Variants in MLC1 observed in about 807,000 individuals in gnomAD.
MLC1 encodes modulator of VRAC current 1.
MLC1 carries 32 observed loss-of-function variants against 44.7 expected under a neutral mutation model. The observed-to-expected ratio is 0.72, with a 90% CI of 0.54 to 0.96. The LOEUF (loss-of-function observed/expected upper bound fraction) is 0.96, where lower values mean the gene tolerates loss of function less well. MLC1 is among the 40% of genes least tolerant of loss of function. The pLI, the probability that MLC1 is intolerant of heterozygous loss-of-function variation, is 0.00. For synonymous variants in MLC1, 190 were observed against 213.0 expected, an observed-to-expected ratio of 0.89 and a Z score of 0.94; for missense variants, 459 against 492.2, an observed-to-expected ratio of 0.93 and a Z score of 0.64.
At chr22:50,063,894 TCACCTCCCC>T in intron 11 of MLC1, 131 bp downstream of exon 11, 2 of 740,690 alleles carry the variant, frequency 2.7e-6, no homozygotes, top group East Asian at 4.2e-5. Context: ...TGCAGGCCAC[TCACCTCCCC>T]GGCTGGGCAC....
At chr22:50,081,217 C>A (rs969809517) in intron 3 of MLC1, among the ~76,000 whole-genome samples, 1 of 151,922 alleles carries the variant, frequency 6.6e-6, no homozygotes, top group Admixed American at 6.6e-5. Context: ...GTGGCGGGTG[C>A]CTGTAGTCCC....
At chr22:50,081,808 AGGCTGGGCGGGGGTG>A (rs1007496003) in intron 3 of MLC1, among the ~76,000 whole-genome samples, 19 of 152,178 alleles carry the variant, frequency 1.2e-4, no homozygotes, top group African/African-American at 4.1e-4. Context: ...AGTGGGGCCA[AGGCTGGGCGGGGGTG>A]GGCACTTGCC....
At chr22:50,077,226 C>T (rs1196589334) in intron 6 of MLC1, among the ~76,000 whole-genome samples, 175 bp downstream of exon 6, 2 of 152,212 alleles carry the variant, frequency 1.3e-5, no homozygotes, top group African/African-American at 4.8e-5. Context: ...ACCCCTCACC[C>T]AGCTCCAGAG....
chr22:50,069,121 G>A (rs1435969456), intron 9 of MLC1, among the ~76,000 whole-genome samples: 1 of 151,764 alleles, frequency 6.6e-6, no homozygotes, highest in African/African-American at 2.4e-5. Flanking sequence ...CTGCCTCCTG[G>A]GTTCAAGCAA....
chr22:50,074,621 G>A (rs1271903185), intron 7 of MLC1: 1 of 429,962 alleles, frequency 2.3e-6, no homozygotes, highest in Non-Finnish European at 4.4e-6. Context: ...ACAGTGGTGA[G>A]GGCAGAAAAC....
chr22:50,080,248 C>A, intron 4 of MLC1, 96 bp downstream of exon 4: 2 of 1,434,462 alleles, frequency 1.4e-6, no homozygotes, highest in Non-Finnish European at 1.9e-6. Flanking sequence ...GCCACAACGT[C>A]TGTGCGTGGG....
chr22:50,083,038 G>T lies in MLC1; in HGVS notation c.267+46C>A. On this transcript the variant is annotated intron_variant, in intron 3 of 11. Coordinates refer to ENST00000311597, the MANE Select transcript of MLC1 (RefSeq NM_015166.4). This position sits in a 1 kb window ranked among gnomAD's most constrained non-coding sequence, Gnocchi z 4.6. ...TCAGAACAAAGAAACCAGAGCACGT[G>T]CCGGCGAGCTTGGGCACTGGCAGAG... 1 of 1,563,942 alleles carries T rather than the reference G, an allele frequency of 6.4e-7. No homozygotes were observed. The highest frequency in any genetic ancestry group is 1.1e-5 in the South Asian group (1 of 90,076).
chr22:50,061,678 G>A lies in MLC1; in HGVS notation c.1060-21C>T, dbSNP rs759921284. 3.1e-6 allele frequency: 5 copies of A among 1,608,464 alleles called. No homozygotes were observed. The Admixed American group carries it at 8.3e-5, about 27-fold the overall frequency. On this transcript the variant is annotated intron_variant, in intron 11 of 11. Transcript: ENST00000311597. ...GCCACCTGCAACCGAGACAGGAAAG[G>A]TGTTACTTCACCAGGGCCACCTGTG... is the stretch of plus-strand genomic sequence containing the variant.
At chr22:50,076,568 A>T (rs1272473513) in intron 7 of MLC1, among the ~76,000 whole-genome samples, 1 of 152,094 alleles carries the variant, frequency 6.6e-6, no homozygotes, top group East Asian at 1.9e-4. Context: ...AAAAAAAAAA[A>T]AATTCCTCGG....
rs1057516465 is a variant in MLC1 at position 50,064,120 on chromosome 22, G to A, written c.973C>T (p.Gln325Ter). 5 of 1,610,042 alleles carry A rather than the reference G, an allele frequency of 3.1e-6. No homozygotes were observed. In the African/African-American group the frequency reaches 6.7e-5, roughly 22 times the overall value. The change falls in exon 11 of 12, where the codon CAG becomes TAG. Residue 325 changes from glutamine (Q) to a stop codon, truncating the protein, a stop_gained. Transcript: ENST00000311597. LOFTEE classifies it high-confidence loss of function. ...QAGLNTGTAI[Q>*]CVRFKVSARL... ...GCACTGACCTTGAAGCGCACGCACT[G>A]GATGGCGGTGCCCGTGTTGAGGCCG...
At chr22:50,075,579 G>A (rs1348732821) in intron 7 of MLC1, among the ~76,000 whole-genome samples, 5 of 151,876 alleles carry the variant, frequency 3.3e-5, no homozygotes, top group Non-Finnish European at 7.4e-5. Flanking sequence ...GCGTGGTGGC[G>A]GGCACCTGTA....
intron 2 of MLC1, among the ~76,000 whole-genome samples, chr22:50,084,237 G>A (rs953027177): frequency 3.3e-5 from 5 of 152,120 alleles, no homozygotes; most frequent in African/African-American, 4.8e-5. Context: ...GAAATCCCTC[G>A]GACATCTGGC....
At position 50,083,323 on chromosome 22, in the gene MLC1, C is replaced by A; in HGVS notation, c.178-150G>T. On this transcript the variant is annotated intron_variant, in intron 2 of 11. Transcript: ENST00000311597. This position sits in a 1 kb window ranked among gnomAD's most constrained non-coding sequence, Gnocchi z 4.6. The stretch of plus-strand genomic sequence containing the variant: ...CACCCGCACCTGGGACCCGCCCATC[C>A]TGGACTCCTCCTGTAGGACAGACGC... 1.4e-6 allele frequency: 1 copy of A among 730,932 alleles called. No homozygotes were observed. Among genetic ancestry groups the A allele is most frequent in the Non-Finnish European group, 2.4e-6 (1 of 416,946 alleles). 45.3% of individuals were successfully genotyped at this position (730,932 alleles called of 1,614,324 possible). A position where few individuals can be genotyped will look rare whatever the true frequency, so the allele number is the denominator to read the frequency against.
rs746253234 is a variant in MLC1, at chr22:50,080,250, G to A, written c.321+94C>T. 1.1e-3 allele frequency: 1,581 copies of A among 1,452,552 alleles called. 1 individual carries two copies. Among genetic ancestry groups the A allele is most frequent in the Non-Finnish European group, 1.4e-3 (1,434 of 1,061,954 alleles). 90.0% of individuals were successfully genotyped at this position (1,452,552 alleles called of 1,614,324 possible). On this transcript the variant is annotated intron_variant, in intron 4 of 11. Coordinates refer to ENST00000311597, the MANE Select transcript of MLC1 (RefSeq NM_015166.4). ...GGCCCCTCTCGGTGCCACAACGTCT[G>A]TGCGTGGGCACACACACAAGCACAC...
At chr22:50,065,684 C>A (rs1189710773) in intron 10 of MLC1, among the ~76,000 whole-genome samples, 1 of 152,186 alleles carries the variant, frequency 6.6e-6, no homozygotes, top group African/African-American at 2.4e-5. Flanking sequence ...AGCGTGACAC[C>A]CTCTGTGGGG....
At chr22:50,077,569 A>G in intron 5 of MLC1, 67 bp from the exon 6 acceptor site, 1 of 1,302,584 alleles carries the variant, frequency 7.7e-7, no homozygotes, top group East Asian at 2.3e-5. Flanking sequence ...TTCAGCGTCC[A>G]CCGGACCACC....
At position 50,076,890 on chromosome 22, in the gene MLC1, T is replaced by G. The variant is rs758691430; in HGVS notation, c.548A>C (p.Asn183Thr). ...KKKGSMSDSA[N>T]ILDEVPFPAR... The stretch of plus-strand genomic sequence containing the variant: ...AGGAAATGGCACTTCGTCCAGAATG[T>G]TGGCGCTGTCAGACATGGAGCCCTA... The change falls in exon 7 of 12, where the codon AAC becomes ACC. Residue 183 changes from asparagine to threonine, a missense_variant. Transcript: ENST00000311597. 4 of 1,613,808 alleles carry G rather than the reference T, an allele frequency of 2.5e-6. No individual in the cohort carries two copies. The highest frequency in any genetic ancestry group is 3.4e-6 in the Non-Finnish European group (4 of 1,179,868).
rs2146935845 is a variant in MLC1, at chr22:50,083,469, G to A, written c.178-296C>T. On this transcript the variant is annotated intron_variant, in intron 2 of 11. Transcript: ENST00000311597. This position sits in a 1 kb window ranked among gnomAD's most constrained non-coding sequence, Gnocchi z 4.6. Reference sequence around the variant, plus strand: ...TCTGCCAATATTTAGAGCAAGGAATGGCACCTCTCCCCACAAAATACTCCT... The same window carrying A: ...TCTGCCAATATTTAGAGCAAGGAATAGCACCTCTCCCCACAAAATACTCCT... Among the ~76,000 whole-genome samples the A allele has an allele frequency of 6.6e-6, 1 of 152,288 alleles. No homozygotes were observed. Among genetic ancestry groups the A allele is most frequent in the African/African-American group, 2.4e-5 (1 of 41,572 alleles).
intron 5 of MLC1, among the ~76,000 whole-genome samples, chr22:50,079,011 C>T (rs966028670): frequency 1.3e-5 from 2 of 151,496 alleles, no homozygotes; most frequent in African/African-American, 2.4e-5. Flanking sequence ...AGGCCGGGCG[C>T]GGTGGCTCAT....
Sources: allele counts gnomAD v4.1 joint callset (sites outside exome capture counted in the v4.1 genomes callset), GRCh38; gene constraint gnomAD v4.1.1; non-coding constraint Gnocchi (gnomAD v3.1); transcripts MANE v1.5; gene names NCBI Gene and HGNC (gene_info 2026-07-23, HGNC 2026-07-21).